Variants in PPFIA2 observed in about 807,000 individuals in gnomAD.
PPFIA2 encodes the protein PPFI scaffold protein A2.
PPFIA2 carries 46 observed loss-of-function variants against 175.5 expected under a neutral mutation model. The ratio of observed to expected loss-of-function variants is 0.26; its 90% confidence interval spans 0.21 to 0.34. The LOEUF (loss-of-function observed/expected upper bound fraction) is 0.34. Ranked by LOEUF, PPFIA2 falls within the 10% of genes least tolerant of loss-of-function variation. The probability of loss-of-function intolerance (pLI) is 1.00; values close to 1 mark genes in which losing one functional copy is unlikely to be tolerated. For synonymous variants in PPFIA2, 568 were observed against 511.4 expected (o/e 1.11, Z -1.49); for missense variants, 1,179 against 1,506.1 (o/e 0.78, Z 3.60).
chr12:81,531,612 T>C (rs1489229650), intron 4 of PPFIA2, among the ~76,000 whole-genome samples: 1 of 151,420 alleles, frequency 6.6e-6, no homozygotes, highest in Non-Finnish European at 1.5e-5. Context: ...ATAAGGATGA[T>C]TGAGATATTG....
intron 22 of PPFIA2, among the ~76,000 whole-genome samples, chr12:81,300,406 G>C (rs2047523763): frequency 6.6e-6 from 1 of 151,940 alleles, no homozygotes; most frequent in Non-Finnish European, 1.5e-5. Context: ...TGGATAATTT[G>C]ATTATTTTCT....
chr12:81,510,822 AT>A (rs1011897241), intron 4 of PPFIA2, among the ~76,000 whole-genome samples: 2 of 152,140 alleles, frequency 1.3e-5, no homozygotes, highest in Middle Eastern at 3.2e-3. Context: ...CAAAATATTC[AT>A]GACTAACAAG....
intron 4 of PPFIA2, among the ~76,000 whole-genome samples, chr12:81,474,130 T>A (rs2057157132): frequency 6.6e-6 from 1 of 152,202 alleles, no homozygotes; most frequent in African/African-American, 2.4e-5. Flanking sequence ...TCGTGTAGAA[T>A]TGTATTCTTT....
intron 3 of PPFIA2, among the ~76,000 whole-genome samples, chr12:81,722,147 C>A (rs1225016823): frequency 6.6e-6 from 1 of 150,890 alleles, no homozygotes; most frequent in Non-Finnish European, 1.5e-5. Flanking sequence ...ACAGATGATG[C>A]AATATATAAA....
intron 14 of PPFIA2, among the ~76,000 whole-genome samples, chr12:81,364,431 T>C (rs1206210276): frequency 6.6e-6 from 1 of 151,990 alleles, no homozygotes; most frequent in East Asian, 1.9e-4. Flanking sequence ...CCACTGAAAC[T>C]GGAGTGCAGT....
chr12:81,627,562 T>C (rs1386315342), intron 4 of PPFIA2, among the ~76,000 whole-genome samples: 2 of 152,154 alleles, frequency 1.3e-5, no homozygotes, highest in Non-Finnish European at 2.9e-5. Flanking sequence ...ACATGGGATA[T>C]ATCTATTACA....
At chr12:81,528,675 C>A (rs563138628) in intron 4 of PPFIA2, among the ~76,000 whole-genome samples, 5 of 152,008 alleles carry the variant, frequency 3.3e-5, no homozygotes, top group African/African-American at 1.2e-4. Flanking sequence ...ATATTAGAAA[C>A]AATCTACAAA....
intron 24 of PPFIA2, chr12:81,292,243 T>C (rs1354284025): frequency 6.6e-6 from 1 of 152,144 alleles, no homozygotes; most frequent in African/African-American, 2.4e-5. Flanking sequence ...GATGCTTCTC[T>C]CTCAGCTGGA....
intron 27 of PPFIA2, 135 bp downstream of exon 27, chr12:81,281,122 A>G: frequency 1.5e-6 from 1 of 655,262 alleles, no homozygotes; most frequent in Non-Finnish European, 2.4e-6. Flanking sequence ...TTTTCCAAGT[A>G]GATGTATACA....
intron 3 of PPFIA2, among the ~76,000 whole-genome samples, chr12:81,712,803 T>C (rs968443221): frequency 6.6e-6 from 1 of 150,640 alleles, no homozygotes; most frequent in Non-Finnish European, 1.5e-5. Flanking sequence ...CTTTCAATTG[T>C]GCTGTCTTTA....
intron 4 of PPFIA2, among the ~76,000 whole-genome samples, chr12:81,558,831 G>C (rs751391430): frequency 6.6e-6 from 1 of 152,082 alleles, no homozygotes; most frequent in Non-Finnish European, 1.5e-5. Context: ...TATATGTTAC[G>C]AATATGTGTG....
At chr12:81,425,955 C>G (rs1449769878) in intron 7 of PPFIA2, among the ~76,000 whole-genome samples, 2 of 152,078 alleles carry the variant, frequency 1.3e-5, no homozygotes, top group African/African-American at 4.8e-5. Flanking sequence ...TTTGACCTTA[C>G]CCAAAGGAGG....
chr12:81,287,262 T>C (rs982976503), intron 24 of PPFIA2, among the ~76,000 whole-genome samples: 1 of 151,942 alleles, frequency 6.6e-6, no homozygotes, highest in Admixed American at 6.6e-5. Context: ...ATCCAAATAA[T>C]GAAGATCTCA....
intron 4 of PPFIA2, among the ~76,000 whole-genome samples, chr12:81,541,644 A>G (rs1778306321): frequency 1.3e-5 from 2 of 151,904 alleles, no homozygotes; most frequent in East Asian, 1.9e-4. Context: ...CATTATATTA[A>G]TTAGACAAAT....
intron 4 of PPFIA2, among the ~76,000 whole-genome samples, chr12:81,658,035 G>A (rs772791459): frequency 2.1e-4 from 32 of 152,078 alleles, no homozygotes; most frequent in African/African-American, 4.8e-4. Flanking sequence ...GTGGGAGGCC[G>A]AGGCGTGTGG....
At position 81,466,269 on chromosome 12, in the gene PPFIA2, T is replaced by C. The variant is rs573123544; in HGVS notation, c.304-8403A>G. On this transcript the variant is annotated intron_variant, in intron 4 of 32. Coordinates refer to ENST00000549396, the MANE Select transcript of PPFIA2 (RefSeq NM_003625.5). Reference sequence around the variant, plus strand: ...TCTAATTAGAAAGCTTTTTGGTCTTTTTCCTAAAACTGCATAATAGAAGAC... The same window carrying C: ...TCTAATTAGAAAGCTTTTTGGTCTTCTTCCTAAAACTGCATAATAGAAGAC... Among the ~76,000 whole-genome samples the C allele has an allele frequency of 5.3e-5, 8 of 152,298 alleles. No individual in the cohort carries two copies. The South Asian group carries it at 1.5e-3, about 28-fold the overall frequency.
intron 8 of PPFIA2, among the ~76,000 whole-genome samples, chr12:81,393,967 T>G (rs1008385975): frequency 6.6e-6 from 1 of 152,020 alleles, no homozygotes; most frequent in African/African-American, 2.4e-5. Context: ...ATGGTTTAAT[T>G]TGGCCTGTAT....
chr12:81,558,832 AATATGTGTGTTTTTCC>A, intron 4 of PPFIA2, among the ~76,000 whole-genome samples: 1 of 152,272 alleles, frequency 6.6e-6, no homozygotes, highest in South Asian at 2.1e-4. Flanking sequence ...ATATGTTACG[AATATGTGTGTTTTTCC>A]ATTCTATATC....
At chr12:81,484,530 T>G (rs964697408) in intron 4 of PPFIA2, among the ~76,000 whole-genome samples, 11 of 152,020 alleles carry the variant, frequency 7.2e-5, no homozygotes, top group African/African-American at 1.2e-4. Context: ...CATAATGAAT[T>G]TATACAATTA....
Sources: allele counts gnomAD v4.1 joint callset (sites outside exome capture counted in the v4.1 genomes callset), GRCh38; gene constraint gnomAD v4.1.1; transcripts MANE v1.5; gene names NCBI Gene and HGNC (gene_info 2026-07-23, HGNC 2026-07-21).